The following IYD variants were observed in gnomAD, a reference collection of about 807,000 sequenced individuals.
IYD encodes iodotyrosine deiodinase 1.
In IYD, 25 loss-of-function variants were observed where a neutral mutation model predicts 28.4. The ratio of observed to expected loss-of-function variants is 0.88; its 90% CI spans 0.64 to 1.23. The LOEUF is 1.23. Ranked by LOEUF, IYD falls within the 50% of genes most tolerant of loss-of-function variation. The probability of loss-of-function intolerance (pLI) is 0.00; values close to 1 mark genes in which losing one functional copy is unlikely to be tolerated. For missense variants in IYD, 352 were observed against 357.9 expected (o/e 0.98, Z 0.13); for synonymous variants, 140 against 130.8 (o/e 1.07, Z -0.48).
At position 150,389,217 on chromosome 6, in the gene IYD, A is replaced by C. The variant is rs193293104; in HGVS notation, c.179-135A>C. 1.0e-5 allele frequency: 7 copies of C among 679,254 alleles called. No individual in the cohort carries two copies. The Admixed American group carries it at 1.2e-4, about 11-fold the overall frequency. The allele number at this position is 679,254 out of a possible 1,614,324, so 42.1% of individuals were successfully genotyped here. A position where few individuals can be genotyped will look rare whatever the true frequency, so the allele number is the denominator to read the frequency against. On this transcript the variant is annotated intron_variant, in intron 1 of 4. Coordinates refer to ENST00000344419, the MANE Select transcript of IYD (RefSeq NM_203395.3). ...TCAGTGGTAAGGATTCTGTAAATCT[A>C]TTCTTTTTTCATTTTATAGTATTTT... is the stretch of plus-strand genomic sequence containing the variant.
At chr6:150,398,015 C>T (rs1288643628) in intron 4 of IYD, 40 bp from the exon 5 acceptor site, 1 of 1,575,172 alleles carries the variant, frequency 6.3e-7, no homozygotes, top group Non-Finnish European at 8.7e-7. Flanking sequence ...AGTCATTCTG[C>T]CTGCTGACTT....
chr6:150,394,628 A>G (rs1365910139), intron 4 of IYD, among the ~76,000 whole-genome samples: 1 of 152,216 alleles, frequency 6.6e-6, no homozygotes. Flanking sequence ...AAAAGCCATG[A>G]GAAGGGCTCT....
chr6:150,388,454 G>T (rs1490515675), intron 1 of IYD, among the ~76,000 whole-genome samples: 1 of 152,098 alleles, frequency 6.6e-6, no homozygotes, highest in Non-Finnish European at 1.5e-5. Context: ...TTGCTATGTT[G>T]TAGGCTCAAC....
At chr6:150,392,187 C>A (rs1232021778) in intron 2 of IYD, 158 bp from the exon 3 acceptor site, 8 of 472,032 alleles carry the variant, frequency 1.7e-5, no homozygotes, top group South Asian at 9.2e-5. Context: ...CACCAGCACA[C>A]CCTGCTAGTT....
chr6:150,370,127 C>T, intron 1 of IYD: 1 of 682,904 alleles, frequency 1.5e-6, no homozygotes, highest in Non-Finnish European at 2.7e-6. Context: ...TAATGATGCC[C>T]CCATCCCCAA....
At chr6:150,380,978 G>A (rs1044126621) in intron 1 of IYD, among the ~76,000 whole-genome samples, 3 of 152,150 alleles carry the variant, frequency 2.0e-5, no homozygotes, top group Non-Finnish European at 4.4e-5. Context: ...CAGGGACATG[G>A]CAGCACAGGA....
At chr6:150,395,368 A>C (rs1471563443) in intron 4 of IYD, 1 of 1,518,550 alleles carries the variant, frequency 6.6e-7, no homozygotes, top group Non-Finnish European at 8.8e-7. Context: ...CACCTCCCAA[A>C]ATGTAGTCAT....
intron 3 of IYD, 145 bp from the exon 4 acceptor site, chr6:150,393,954 A>T (rs1778214967): frequency 1.2e-6 from 1 of 854,494 alleles, no homozygotes; most frequent in Non-Finnish European, 1.8e-6. Context: ...GTGGAATGAG[A>T]CAAAAACAAA....
chr6:150,381,276 A>G (rs11756548), intron 1 of IYD, among the ~76,000 whole-genome samples: 27,957 of 152,186 alleles, frequency 0.18, 2,697 homozygotes, highest in East Asian at 0.25. Flanking sequence ...ATCTCTAAGG[A>G]TCTAAGTTTC....
At position 150,400,675 on chromosome 6, in the gene IYD, G is replaced by A. The variant is rs1778483543; in HGVS notation, c.*2438G>A. On this transcript the variant is annotated 3_prime_UTR_variant, in exon 5 of 5. Coordinates refer to ENST00000344419, the MANE Select transcript of IYD (RefSeq NM_203395.3). ...CTGTCTTGTCCTTGCTACTCAAAGA[G>A]TGGTCCTGGGCCTGTATCATCATTG... 1 of 152,204 alleles carries A rather than the reference G, an allele frequency of 6.6e-6. No homozygotes were observed. The highest frequency in any genetic ancestry group is 2.4e-5 in the African/African-American group (1 of 41,456). The allele number at this position is 152,204 out of a possible 1,614,324, so 9.4% of individuals were successfully genotyped here. A position where few individuals can be genotyped will look rare whatever the true frequency, so the allele number is the denominator to read the frequency against.
chr6:150,402,444 T>A lies in IYD; in HGVS notation c.*4207T>A, dbSNP rs1329780178. 1 of 152,224 alleles carries A rather than the reference T, an allele frequency of 6.6e-6. No individual in the cohort carries two copies. The highest frequency in any genetic ancestry group is 1.5e-5 in the Non-Finnish European group (1 of 68,036). 9.4% of individuals were successfully genotyped at this position (152,224 alleles called of 1,614,324 possible). The stretch of plus-strand genomic sequence containing the variant: ...GCACCTGCAAGGAAGGAGGCCCAGA[T>A]GTGTGTAGGTGCTGGATGTCTCTTC... On this transcript the variant is annotated 3_prime_UTR_variant, in exon 5 of 5. Coordinates refer to ENST00000344419, the MANE Select transcript of IYD (RefSeq NM_203395.3).
intron 4 of IYD, chr6:150,395,611 G>T (rs965129063): frequency 2.1e-6 from 3 of 1,448,012 alleles, no homozygotes; most frequent in African/African-American, 1.4e-5. Flanking sequence ...CATTGAGTTT[G>T]CTGCCCCCTA....
intron 4 of IYD, chr6:150,396,288 G>A (rs1562322664): frequency 2.4e-6 from 1 of 417,504 alleles, no homozygotes; most frequent in East Asian, 3.7e-5. Flanking sequence ...CAAGTTCATG[G>A]ACCTGCTAAA....
rs1778541205 is a variant in IYD at position 150,402,523 on chromosome 6, AAAAGGAGGG to A, written c.*4287_*4295del. ...AACAAAACTGGATATAACAGAAAAG[AAAAGGAGGG>A]GAGAAGGAAAGTTGAAGAAATTGGT... is the stretch of plus-strand genomic sequence containing the variant. On this transcript the variant is annotated 3_prime_UTR_variant, in exon 5 of 5. Transcript: ENST00000344419. 1 of 152,278 alleles carries A rather than the reference AAAAGGAGGG, an allele frequency of 6.6e-6. No homozygotes were observed. Among genetic ancestry groups the A allele is most frequent in the Admixed American group, 6.5e-5 (1 of 15,292 alleles). 9.4% of individuals were successfully genotyped at this position (152,278 alleles called of 1,614,324 possible).
intron 1 of IYD, among the ~76,000 whole-genome samples, chr6:150,377,992 C>T (rs1777510959): frequency 6.6e-6 from 1 of 152,082 alleles, no homozygotes; most frequent in African/African-American, 2.4e-5. Flanking sequence ...CCAAACTGTC[C>T]CTGCTAGAGA....
chr6:150,396,697 AC>A (rs1413212619), intron 4 of IYD: 2 of 303,764 alleles, frequency 6.6e-6, no homozygotes, highest in Non-Finnish European at 1.2e-5. Context: ...ACATGGTGAA[AC>A]CCGGCCTTTA....
intron 1 of IYD, among the ~76,000 whole-genome samples, chr6:150,386,861 G>T (rs1777882698): frequency 6.6e-6 from 1 of 151,688 alleles, no homozygotes. Flanking sequence ...TATGTTTTAG[G>T]TGTATCCCTT....
At chr6:150,391,249 A>T (rs1286058877) in intron 2 of IYD, among the ~76,000 whole-genome samples, 1 of 147,014 alleles carries the variant, frequency 6.8e-6, no homozygotes, top group Non-Finnish European at 1.5e-5. Flanking sequence ...AAAAAAAAAA[A>T]AAAGAATTCC....
chr6:150,379,994 T>G (rs935143985), intron 1 of IYD, among the ~76,000 whole-genome samples: 3 of 152,184 alleles, frequency 2.0e-5, no homozygotes, highest in African/African-American at 7.2e-5. Flanking sequence ...TATTAATCTG[T>G]CTTTTGTGAA....
Sources: gnomAD v4.1 joint callset for allele counts (sites outside exome capture counted in the v4.1 genomes callset) on GRCh38, gnomAD v4.1.1 for gene constraint, MANE v1.5 for transcripts, NCBI Gene and HGNC (gene_info 2026-07-23, HGNC 2026-07-21) for gene names.